Variants in CNTNAP5 observed in about 807,000 individuals in gnomAD.
CNTNAP5 encodes contactin-associated protein-like 5.
A neutral mutation model predicts 150.2 loss-of-function variants in CNTNAP5; 72 were observed. That is an observed-to-expected ratio of 0.48 (90% confidence interval 0.40 to 0.58). CNTNAP5 has a LOEUF of 0.58. Among genes scored for constraint, CNTNAP5 ranks in the 20% least tolerant of loss-of-function variants. The pLI, the probability that CNTNAP5 is intolerant of heterozygous loss-of-function variation, is 0.00. For missense variants in CNTNAP5, 1,636 were observed against 1,626.2 expected, an observed-to-expected ratio of 1.01 and a Z score of -0.10; for synonymous variants, 672 against 619.8, an observed-to-expected ratio of 1.08 and a Z score of -1.25.
chr2:124,586,968 C>T (rs1696553074), intron 11 of CNTNAP5, among the ~76,000 whole-genome samples: 1 of 152,128 alleles, frequency 6.6e-6, no homozygotes, highest in Admixed American at 6.5e-5. Flanking sequence ...GGTTCAGATA[C>T]CAGCTTCCTG....
At chr2:124,473,671 A>G (rs1247858695) in intron 6 of CNTNAP5, among the ~76,000 whole-genome samples, 2 of 151,978 alleles carry the variant, frequency 1.3e-5, no homozygotes, top group Non-Finnish European at 2.9e-5. Flanking sequence ...AAGTATCCAA[A>G]TATAGATATA....
chr2:124,818,453 A>G (rs945864895), intron 19 of CNTNAP5, among the ~76,000 whole-genome samples: 1 of 151,952 alleles, frequency 6.6e-6, no homozygotes, highest in Non-Finnish European at 1.5e-5. Context: ...CTTGAGCCCA[A>G]GGGGGGTTTG....
Position 124,547,479 on chromosome 2 carries a change from G to A in CNTNAP5, c.1650-15738G>A, listed in dbSNP as rs780094408. Among the ~76,000 whole-genome samples the A allele has an allele frequency of 3.9e-5, 6 of 152,284 alleles. No individual in the cohort carries two copies. The East Asian group carries it at 7.7e-4, about 20-fold the overall frequency. Reference sequence around the variant, plus strand: ...ACAAAGAGGATTTTCATGCAAAAGCGAGAGCCAGTAAAGGCAGGGGACATG... The same window carrying A: ...ACAAAGAGGATTTTCATGCAAAAGCAAGAGCCAGTAAAGGCAGGGGACATG... On this transcript the variant is annotated intron_variant, in intron 10 of 23. Coordinates refer to ENST00000682447, the MANE Select transcript of CNTNAP5 (RefSeq NM_001367498.1).
chr2:124,693,789 A>C (rs948891976), intron 13 of CNTNAP5, among the ~76,000 whole-genome samples: 1 of 151,694 alleles, frequency 6.6e-6, no homozygotes, highest in East Asian at 1.9e-4. Flanking sequence ...AAATGGTGTC[A>C]TAAGGCAAAA....
At chr2:124,536,636 T>C (rs1695237500) in intron 10 of CNTNAP5, among the ~76,000 whole-genome samples, 1 of 152,038 alleles carries the variant, frequency 6.6e-6, no homozygotes, top group African/African-American at 2.4e-5. Flanking sequence ...TCAGTATATA[T>C]AAATAAGGAA....
intron 3 of CNTNAP5, among the ~76,000 whole-genome samples, chr2:124,245,631 A>G (rs201485178): frequency 6.6e-6 from 1 of 151,188 alleles, no homozygotes; most frequent in Non-Finnish European, 1.5e-5. Flanking sequence ...GTGTATATAT[A>G]TGTGTGTGTT....
chr2:124,726,114 A>T (rs1680153141), intron 13 of CNTNAP5, among the ~76,000 whole-genome samples: 1 of 151,772 alleles, frequency 6.6e-6, no homozygotes. Context: ...CATTTTCTCC[A>T]TGTCTTCACC....
At chr2:124,230,344 A>C (rs1686583645) in intron 2 of CNTNAP5, among the ~76,000 whole-genome samples, 1 of 152,060 alleles carries the variant, frequency 6.6e-6, no homozygotes, top group African/African-American at 2.4e-5. Context: ...CTTTTTCCAG[A>C]TTACAAGGGA....
chr2:124,327,531 C>A (rs1013564786), intron 3 of CNTNAP5, among the ~76,000 whole-genome samples: 1 of 152,194 alleles, frequency 6.6e-6, no homozygotes, highest in Non-Finnish European at 1.5e-5. Flanking sequence ...CAACACAGAC[C>A]TTAAATCTGA....
chr2:124,550,528 T>C (rs1052156197), intron 10 of CNTNAP5, among the ~76,000 whole-genome samples: 1 of 152,184 alleles, frequency 6.6e-6, no homozygotes, highest in African/African-American at 2.4e-5. Context: ...GTGCGTTTCC[T>C]GATAGCTCCA....
rs780596791 is a variant in CNTNAP5 at position 124,916,910 on chromosome 2, T to A, written c.*2622T>A. ...AACCCCAGAGAACACTAACTTTCACTAGATATATATGAAATGCAAGTGATC... is the reference window on the plus strand; with the variant it reads ...AACCCCAGAGAACACTAACTTTCACAAGATATATATGAAATGCAAGTGATC... On this transcript the variant is annotated 3_prime_UTR_variant, in exon 24 of 24. Coordinates refer to ENST00000682447, the MANE Select transcript of CNTNAP5 (RefSeq NM_001367498.1). Among the ~76,000 whole-genome samples the A allele has an allele frequency of 1.3e-5, 2 of 152,050 alleles. No individual in the cohort carries two copies. The highest frequency in any genetic ancestry group is 2.9e-5 in the Non-Finnish European group (2 of 67,980).
intron 3 of CNTNAP5, among the ~76,000 whole-genome samples, chr2:124,403,368 A>G (rs1412449045): frequency 6.6e-6 from 1 of 152,186 alleles, no homozygotes; most frequent in African/African-American, 2.4e-5. Context: ...CTGCATATGT[A>G]TTAGATGTAA....
At chr2:124,743,076 T>G (rs1049823434) in intron 13 of CNTNAP5, among the ~76,000 whole-genome samples, 2 of 152,136 alleles carry the variant, frequency 1.3e-5, no homozygotes, top group East Asian at 1.9e-4. Context: ...ACAGAGTTTT[T>G]CCCCATTTGC....
At chr2:124,841,010 T>C (rs1313399703) in intron 19 of CNTNAP5, among the ~76,000 whole-genome samples, 1 of 151,928 alleles carries the variant, frequency 6.6e-6, no homozygotes, top group African/African-American at 2.4e-5. Flanking sequence ...GTGGTGCACA[T>C]GAGATGAGAT....
chr2:124,765,555 T>C (rs535284425), intron 16 of CNTNAP5, among the ~76,000 whole-genome samples: 1 of 152,152 alleles, frequency 6.6e-6, no homozygotes, highest in Non-Finnish European at 1.5e-5. Context: ...AATATAATAT[T>C]TATTAAGTGG....
intron 3 of CNTNAP5, among the ~76,000 whole-genome samples, chr2:124,310,510 T>C (rs10175159): frequency 0.034 from 5,240 of 152,252 alleles, 234 homozygotes; most frequent in African/African-American, 0.095. Flanking sequence ...CTTCCTCTAA[T>C]GCCCCCTTTC....
intron 13 of CNTNAP5, among the ~76,000 whole-genome samples, chr2:124,651,428 G>C (rs1391922687): frequency 6.6e-6 from 1 of 152,208 alleles, no homozygotes; most frequent in Non-Finnish European, 1.5e-5. Flanking sequence ...TCTTATGTTT[G>C]AGGATATGTG....
At chr2:124,548,240 G>C (rs1394049960) in intron 10 of CNTNAP5, among the ~76,000 whole-genome samples, 1 of 152,186 alleles carries the variant, frequency 6.6e-6, no homozygotes, top group East Asian at 1.9e-4. Context: ...TTCTAGAACA[G>C]GCACGATGTC....
At chr2:124,658,726 T>C (rs1678511555) in intron 13 of CNTNAP5, among the ~76,000 whole-genome samples, 1 of 152,228 alleles carries the variant, frequency 6.6e-6, no homozygotes, top group Non-Finnish European at 1.5e-5. Flanking sequence ...TGTTTGTGTG[T>C]ATTACCGTAG....
Sources: gnomAD v4.1 joint callset for allele counts (sites outside exome capture counted in the v4.1 genomes callset) on GRCh38, gnomAD v4.1.1 for gene constraint, MANE v1.5 for transcripts, NCBI Gene and HGNC (gene_info 2026-07-23, HGNC 2026-07-21) for gene names.